The following TJP1 variants were observed in gnomAD, a reference collection of about 807,000 sequenced individuals.
TJP1 encodes tight junction protein ZO-1.
TJP1 carries 43 observed loss-of-function variants against 194.2 expected under a neutral mutation model. That is an observed-to-expected ratio of 0.22 (90% CI 0.17 to 0.29). The LOEUF (loss-of-function observed/expected upper bound fraction) is 0.29. Among genes scored for constraint, TJP1 ranks in the 10% least tolerant of loss-of-function variants. The pLI, the probability that TJP1 is intolerant of heterozygous loss-of-function variation, is 1.00. For missense variants in TJP1, 1,971 were observed against 2,185.7 expected, an observed-to-expected ratio of 0.90 and a Z score of 1.96; for synonymous variants, 801 against 779.0, an observed-to-expected ratio of 1.03 and a Z score of -0.47.
At position 29,795,622 on chromosome 15, in the gene TJP1, C is replaced by A. The variant is rs190296926; in HGVS notation, c.84+5024G>T. 7.2e-4 allele frequency among the ~76,000 whole-genome samples: 110 copies of A among 152,116 alleles called. No homozygotes were observed. The Middle Eastern group carries it at 0.014, about 19-fold the overall frequency. Reference sequence around the variant, plus strand: ...TAAGAAAAAAATAAAATCAATTGTACATGAACTCTACCAGAAACCACAAAA... The same window carrying A: ...TAAGAAAAAAATAAAATCAATTGTAAATGAACTCTACCAGAAACCACAAAA... On this transcript the variant is annotated intron_variant, in intron 2 of 27. Coordinates refer to ENST00000614355, the MANE Select transcript of TJP1 (RefSeq NM_001330239.4).
intron 2 of TJP1, among the ~76,000 whole-genome samples, chr15:29,881,012 C>T (rs1242608400): frequency 6.6e-6 from 1 of 152,092 alleles, no homozygotes; most frequent in African/African-American, 2.4e-5. Flanking sequence ...TGAACAGCTC[C>T]AGCTGTTTTC....
chr15:29,820,457 T>C (rs1395549779), intron 1 of TJP1: 4 of 710,046 alleles, frequency 5.6e-6, no homozygotes, highest in African/African-American at 1.8e-5. Context: ...ACGTAATATT[T>C]AACGAGTGAT....
intron 2 of TJP1, among the ~76,000 whole-genome samples, chr15:29,903,686 C>A (rs541026455): frequency 6.6e-6 from 1 of 152,180 alleles, no homozygotes; most frequent in African/African-American, 2.4e-5. Flanking sequence ...CCTTGTGATC[C>A]GCCCGCCTCG....
chr15:29,895,742 C>T (rs4780267), intron 2 of TJP1, among the ~76,000 whole-genome samples: 15,849 of 152,286 alleles, frequency 0.1, 1,057 homozygotes, highest in East Asian at 0.25. Flanking sequence ...GCCACCTCCA[C>T]ATTTCTAGGC....
At chr15:29,902,758 C>A (rs1012368598) in intron 2 of TJP1, among the ~76,000 whole-genome samples, 1 of 152,080 alleles carries the variant, frequency 6.6e-6, no homozygotes, top group South Asian at 2.1e-4. Context: ...ACTAAAGGCC[C>A]GACACGGTGG....
chr15:29,815,640 C>T (rs150649081), intron 1 of TJP1, among the ~76,000 whole-genome samples: 30 of 152,330 alleles, frequency 2.0e-4, no homozygotes, highest in African/African-American at 6.7e-4. Flanking sequence ...TACAGCTGGA[C>T]TCATGGTCTT....
intron 1 of TJP1, among the ~76,000 whole-genome samples, chr15:29,820,154 G>A (rs1360255459): frequency 6.9e-6 from 1 of 144,172 alleles, no homozygotes; most frequent in African/African-American, 2.6e-5. Context: ...CCAAATTAAT[G>A]TTGCCTTTTT....
At chr15:29,714,186 AACATGCATTTTGATTG>A (rs1397643247) in intron 23 of TJP1, among the ~76,000 whole-genome samples, 1 of 152,188 alleles carries the variant, frequency 6.6e-6, no homozygotes, top group Admixed American at 6.5e-5. Flanking sequence ...ACAGAAAGCA[AACATGCATTTTGATTG>A]ATTCCCTGGC....
chr15:29,709,813 CAG>C (rs1393715119), intron 24 of TJP1, among the ~76,000 whole-genome samples: 3 of 152,106 alleles, frequency 2.0e-5, no homozygotes, highest in Non-Finnish European at 4.4e-5. Flanking sequence ...ACTTACATTT[CAG>C]AGTTTATTGG....
intron 23 of TJP1, among the ~76,000 whole-genome samples, chr15:29,714,986 A>T (rs1165908899): frequency 6.6e-6 from 1 of 152,188 alleles, no homozygotes; most frequent in Non-Finnish European, 1.5e-5. Context: ...TAAAGGGTAC[A>T]CCCTTCTGCC....
At chr15:29,968,723 G>A (rs2056418999) in exon 1 of TJP1, 2 of 1,215,766 alleles carry the variant, frequency 1.6e-6, no homozygotes, top group Admixed American at 2.6e-5. Context: ...TGACGCCGAT[G>A]GCCATCTGCA....
chr15:29,907,456 T>C lies in TJP1; in HGVS notation c.306+48776A>G, dbSNP rs368984681. Among the ~76,000 whole-genome samples the C allele has an allele frequency of 2.6e-5, 4 of 152,276 alleles. No individual in the cohort carries two copies. The South Asian group carries it at 8.3e-4, about 32-fold the overall frequency. On this transcript the variant is annotated intron_variant, in intron 2 of 28. Coordinates refer to the TJP1 transcript ENST00000356107. ...AAGAAGTGGTACATACATGTATTCA[T>C]ATGCCATTAGACAAGGCATAGAAAA... is the stretch of plus-strand genomic sequence containing the variant.
chr15:29,949,477 C>T (rs1596310270), intron 2 of TJP1, among the ~76,000 whole-genome samples: 6 of 108,236 alleles, frequency 5.5e-5, no homozygotes, highest in African/African-American at 1.6e-4. Flanking sequence ...CCACCACCTC[C>T]ACAACCACCA....
intron 2 of TJP1, among the ~76,000 whole-genome samples, chr15:29,902,921 C>A (rs1388422949): frequency 6.6e-6 from 1 of 152,084 alleles, no homozygotes; most frequent in Admixed American, 6.6e-5. Context: ...GTAATCCCAG[C>A]TACTCGGGAA....
At chr15:29,753,592 A>G (rs2045439356) in intron 8 of TJP1, among the ~76,000 whole-genome samples, 1 of 151,994 alleles carries the variant, frequency 6.6e-6, no homozygotes, top group South Asian at 2.1e-4. Context: ...AATGAGCAGG[A>G]TAACATCCAC....
At chr15:29,757,272 G>A (rs920202663) in intron 8 of TJP1, among the ~76,000 whole-genome samples, 3 of 152,106 alleles carry the variant, frequency 2.0e-5, no homozygotes, top group Non-Finnish European at 4.4e-5. Context: ...AGAAATCTAG[G>A]AAGAGAACAG....
intron 2 of TJP1, among the ~76,000 whole-genome samples, chr15:29,895,983 C>A (rs1352359129): frequency 1.3e-5 from 2 of 152,184 alleles, no homozygotes; most frequent in Non-Finnish European, 2.9e-5. Flanking sequence ...GGAGGCAGGG[C>A]AGCTCTCTGG....
chr15:29,943,936 A>C (rs1183073296), intron 2 of TJP1, among the ~76,000 whole-genome samples: 1 of 152,082 alleles, frequency 6.6e-6, no homozygotes, highest in Non-Finnish European at 1.5e-5. Flanking sequence ...TGACGGAGCG[A>C]GACTCCATCT....
chr15:29,841,751 C>T lies in TJP1; in HGVS notation c.307-41049G>A, dbSNP rs570440620. Among the ~76,000 whole-genome samples, 302 of 151,508 alleles carry T rather than the reference C, an allele frequency of 2.0e-3. 1 individual carries two copies. The highest frequency in any genetic ancestry group is 3.6e-3 in the South Asian group (17 of 4,784). ...TCCCCTCCTTTTTCCTTCCTTTCTTCCCTGATTTTTAGTAACATTTATCAT... is the reference window on the plus strand; with the variant it reads ...TCCCCTCCTTTTTCCTTCCTTTCTTTCCTGATTTTTAGTAACATTTATCAT... On this transcript the variant is annotated intron_variant, in intron 2 of 28. Transcript: ENST00000356107.
Sources: gnomAD v4.1 joint callset for allele counts (sites outside exome capture counted in the v4.1 genomes callset) on GRCh38, gnomAD v4.1.1 for gene constraint, MANE v1.5 for transcripts, NCBI Gene and HGNC (gene_info 2026-07-23, HGNC 2026-07-21) for gene names.